BRAT1: variants seen among roughly 807,000 people sequenced by gnomAD.
BRAT1 encodes BRCA1 associated ATM activator 1.
A neutral mutation model predicts 70.6 loss-of-function variants in BRAT1; 74 were observed. The observed-to-expected ratio is 1.05, with a 90% CI of 0.87 to 1.27. The LOEUF is 1.27. BRAT1 is among the 50% of genes most tolerant of loss of function. The pLI is 0.00. For synonymous variants in BRAT1, 615 were observed against 517.1 expected (o/e 1.19, Z -2.57); for missense variants, 1,203 against 1,098.2 (o/e 1.10, Z -1.35).
chr7:2,538,295 G>A lies in BRAT1; in HGVS notation c.2240C>T (p.Ser747Phe), dbSNP rs923807425. Residue 747 changes from serine to phenylalanine, a missense_variant, in exon 14 of 14, where the codon TCC becomes TTC. Coordinates refer to ENST00000340611, the MANE Select transcript of BRAT1 (RefSeq NM_152743.4). ...REARGSPNTA[S>F]AEATLPRWRA... ...CCACCTCGGCAGGGTGGCCTCTGCG[G>A]AGGCAGTGTTGGGGCTGCCCCTGGC... 11 of 1,612,674 alleles carry A rather than the reference G, an allele frequency of 6.8e-6. No individual in the cohort carries two copies. Among genetic ancestry groups the A allele is most frequent in the African/African-American group, 1.3e-5 (1 of 75,058 alleles).
intron 2 of BRAT1, among the ~76,000 whole-genome samples, chr7:2,548,041 G>A (rs942202883): frequency 4.0e-5 from 6 of 148,388 alleles, no homozygotes; most frequent in African/African-American, 1.3e-4. Flanking sequence ...CCAAGACCAC[G>A]TCATTGCACA....
Position 2,542,282 on chromosome 7 carries a change from C to T in BRAT1, c.924-71G>A, listed in dbSNP as rs1409576966. 5.2e-6 allele frequency: 7 copies of T among 1,338,800 alleles called. No individual in the cohort carries two copies. In the African/African-American group the frequency reaches 1.0e-4, roughly 19 times the overall value. The allele number at this position is 1,338,800 out of a possible 1,614,324, so 82.9% of individuals were successfully genotyped here. A position where few individuals can be genotyped will look rare whatever the true frequency, so the allele number is the denominator to read the frequency against. On this transcript the variant is annotated intron_variant, in intron 6 of 13. Transcript: ENST00000340611. ...AAGTTGGCTGTGCTCCTAATGTCCC[C>T]AGCAAGCCTGGGGCAAATCAGCCAG...
rs762632677 is a variant in BRAT1, at chr7:2,541,766, G to A, written c.1086C>T (p.Ala362=). 3.5e-5 allele frequency: 56 copies of A among 1,612,056 alleles called. No individual in the cohort carries two copies. Among genetic ancestry groups the A allele is most frequent in the South Asian group, 4.4e-5 (4 of 90,972 alleles). The change falls in exon 8 of 14, where the codon GCC becomes GCT. Residue 362 remains alanine (A), a synonymous_variant. Transcript: ENST00000340611. ...DTLLASKSSC[A]GLLCRTLAHL... is the part of the protein sequence containing the mutation. ...GAGCCAGGGTGCGGCACAGGAGGCC[G>A]GCGCAGGACGACTTGGAGGCCAGGA...
intron 9 of BRAT1, 75 bp downstream of exon 9, chr7:2,541,223 C>T (rs1328848151): frequency 5.4e-5 from 81 of 1,495,538 alleles, no homozygotes; most frequent in East Asian, 1.2e-4. Flanking sequence ...CAGCAGTTCC[C>T]GGGTGCCTCC....
At position 2,543,659 on chromosome 7, in the gene BRAT1, G is replaced by A. The variant is rs1453008908; in HGVS notation, c.734C>T (p.Ala245Val). ...GATGGGGTCTCTCTCCAGCAGACAGGCCACGCGGGGACTCAGCCGCACCCA... is the reference window on the plus strand; with the variant it reads ...GATGGGGTCTCTCTCCAGCAGACAGACCACGCGGGGACTCAGCCGCACCCA... ...ALWVRLSPRVACLLERDPIPA... is the reference protein window; with the variant it reads ...ALWVRLSPRVVCLLERDPIPA... The change falls in exon 5 of 14, where the codon GCC becomes GTC. Residue 245 changes from alanine to valine, a missense_variant. Physicochemically the swap from Ala to Val is moderately conservative, Grantham distance 64. Transcript: ENST00000340611. The surrounding 1 kb of genome is among the most constrained non-coding windows in gnomAD (Gnocchi z 5.5). The A allele has an allele frequency of 4.5e-6, 7 of 1,555,936 alleles. No individual in the cohort carries two copies. The highest frequency in any genetic ancestry group is 6.1e-6 in the Non-Finnish European group (7 of 1,145,548).
rs1217405923 is a variant in BRAT1 at position 2,542,707 on chromosome 7, G to A, written c.924-496C>T. ...AGCTGGACCCTCATGGTACCCCTGG[G>A]CCCTGTGGGCAGCAGGTCCTGAGGT... On this transcript the variant is annotated intron_variant, in intron 6 of 13. Coordinates refer to ENST00000340611, the MANE Select transcript of BRAT1 (RefSeq NM_152743.4). 1.1e-4 allele frequency: 20 copies of A among 178,630 alleles called. No individual in the cohort carries two copies. In the East Asian group the frequency reaches 3.3e-3, roughly 29 times the overall value. 11.1% of individuals were successfully genotyped at this position (178,630 alleles called of 1,614,324 possible).
In BRAT1 at chr7:2,539,268, C is replaced by T. The variant is rs774981842; in HGVS notation, c.1681G>A (p.Val561Ile). ...LQLLQDPESY[V>I]RASAVTAMGQ... ...ATGGCGGTCACTGCACTCGCTCGGA[C>T]ATAACTCTCAGGGTCCTGGAGGAGC... is the stretch of plus-strand genomic sequence containing the variant. Residue 561 changes from valine (V) to isoleucine (I), a missense_variant, in exon 13 of 14, where the codon GTC (valine) becomes ATC (isoleucine). By Grantham distance (29) the Val-to-Ile change is conservative. Transcript: ENST00000340611. The T allele has an allele frequency of 3.1e-6, 5 of 1,611,862 alleles. No individual in the cohort carries two copies. Among genetic ancestry groups the T allele is most frequent in the Non-Finnish European group, 4.2e-6 (5 of 1,179,978 alleles).
Position 2,542,187 on chromosome 7 carries a change from G to A in BRAT1, c.948C>T (p.Ala316=), listed in dbSNP as rs753163636. The change falls in exon 7 of 14, where the codon GCC becomes GCT. Residue 316 remains alanine (A), a synonymous_variant. Transcript: ENST00000340611. ...CCAGGGGCTGGAGAAGGACCTGGAA[G>A]GCCTGGGTCCTCAGTGCCTGTGGAC... is the stretch of plus-strand genomic sequence containing the variant. ...EHCPQALRTQ[A]FQVLLQPLAC... is the part of the protein sequence containing the mutation. The A allele has an allele frequency of 1.1e-5, 17 of 1,566,422 alleles. No individual in the cohort carries two copies. In the East Asian group the frequency reaches 1.4e-4, roughly 13 times the overall value.
chr7:2,544,200 GTTTTTT>G lies in BRAT1; in HGVS notation c.431-244_431-239del, dbSNP rs1172630697. On this transcript the variant is annotated intron_variant, in intron 4 of 13. Transcript: ENST00000340611. Reference sequence around the variant, plus strand: ...GCTTCCCAATTCGTTCCTTCTTGTTGTTTTTTTTTTTTTTTTTTTTGAGACAGAGTC... The same window carrying G: ...GCTTCCCAATTCGTTCCTTCTTGTTGTTTTTTTTTTTTTTGAGACAGAGTC... The G allele has an allele frequency of 1.1e-3, 117 of 108,682 alleles. 1 individual carries two copies. Among genetic ancestry groups the G allele is most frequent in the African/African-American group, 3.5e-3 (79 of 22,772 alleles). 6.7% of individuals were successfully genotyped at this position (108,682 alleles called of 1,614,324 possible). A position where few individuals can be genotyped will look rare whatever the true frequency, so the allele number is the denominator to read the frequency against.
Position 2,543,046 on chromosome 7 carries a change from CCG to C in BRAT1, c.923+156_923+157del. 1.2e-6 allele frequency: 1 copy of C among 836,886 alleles called. No homozygotes were observed. The highest frequency in any genetic ancestry group is 1.8e-6 in the Non-Finnish European group (1 of 558,084). 51.8% of individuals were successfully genotyped at this position (836,886 alleles called of 1,614,324 possible). A position where few individuals can be genotyped will look rare whatever the true frequency, so the allele number is the denominator to read the frequency against. On this transcript the variant is annotated intron_variant, in intron 6 of 13. Coordinates refer to ENST00000340611, the MANE Select transcript of BRAT1 (RefSeq NM_152743.4). The surrounding 1 kb of genome is among the most constrained non-coding windows in gnomAD (Gnocchi z 5.5). ...GTTGCTAAAGAACCTTCAGAAGCTG[CCG>C]CGCGCAACCCACGCACCACCCAGTC...
Position 2,541,813 on chromosome 7 carries a change from C to T in BRAT1, c.1039G>A (p.Asp347Asn), listed in dbSNP as rs144499760. Residue 347 changes from aspartate (D) to asparagine (N), a missense_variant, in exon 8 of 14, where the codon GAT becomes AAT. Physicochemically the swap from Asp to Asn is conservative, Grantham distance 23. Transcript: ENST00000340611. Reference sequence around the variant, plus strand: ...AGGAGTGTGTCCACCGTCGTGGCATCGTCTGCCGTCCCGTCCAGCAAGCCT... The same window carrying T: ...AGGAGTGTGTCCACCGTCGTGGCATTGTCTGCCGTCCCGTCCAGCAAGCCT... Reference protein sequence around the residue: ...PPGLLDGTADDATTVDTLLAS... With the variant: ...PPGLLDGTADNATTVDTLLAS... The T allele has an allele frequency of 8.1e-5, 130 of 1,612,828 alleles. No homozygotes were observed. The highest frequency in any genetic ancestry group is 1.7e-4 in the Middle Eastern group (1 of 6,052).
At chr7:2,542,293 G>A in intron 6 of BRAT1, 82 bp from the exon 7 acceptor site, 2 of 1,209,864 alleles carry the variant, frequency 1.7e-6, no homozygotes, top group East Asian at 2.5e-5. Context: ...AGCAAGCCTG[G>A]GGCAAATCAG....
chr7:2,538,526 C>T lies in BRAT1; in HGVS notation c.2009G>A (p.Arg670His), dbSNP rs147119058. The T allele has an allele frequency of 9.4e-5, 151 of 1,606,358 alleles. No homozygotes were observed. The highest frequency in any genetic ancestry group is 3.1e-4 in the South Asian group (28 of 90,962). ...VFLGQTLGPP[R>H]THCPYAVALP... Reference sequence around the variant, plus strand: ...GGCCACGGCATAGGGGCAGTGGGTACGCGGCGGCCCCAAAGTCTGGCCCAG... The same window carrying T: ...GGCCACGGCATAGGGGCAGTGGGTATGCGGCGGCCCCAAAGTCTGGCCCAG... Residue 670 changes from arginine to histidine, a missense_variant, in exon 14 of 14, where the codon CGT (arginine) becomes CAT (histidine). Physicochemically the swap from Arg to His is conservative, Grantham distance 29. Coordinates refer to ENST00000340611, the MANE Select transcript of BRAT1 (RefSeq NM_152743.4).
chr7:2,539,139 C>T (rs371348358), intron 13 of BRAT1, 40 bp downstream of exon 13: 273 of 1,564,122 alleles, frequency 1.7e-4, no homozygotes, highest in Non-Finnish European at 2.1e-4. Flanking sequence ...ACACGATGGC[C>T]AGGCGGGAGT....
rs369792998 is a variant in BRAT1 at position 2,543,769 on chromosome 7, G to T, written c.624C>A (p.Ser208=). The T allele has an allele frequency of 2.1e-5, 33 of 1,608,298 alleles. No homozygotes were observed. The highest frequency in any genetic ancestry group is 2.8e-5 in the Non-Finnish European group (33 of 1,176,156). ...IMDHVEESLC[S]AATPKVTQAL... ...CCTGAGTGACCTTGGGGGTGGCCGC[G>T]GAGCACAAGGACTCTTCAACGTGAT... The change falls in exon 5 of 14, where the codon TCC becomes TCA. Residue 208 remains serine, a synonymous_variant. Coordinates refer to ENST00000340611, the MANE Select transcript of BRAT1 (RefSeq NM_152743.4). This position sits in a 1 kb window ranked among gnomAD's most constrained non-coding sequence, Gnocchi z 5.5.
rs371014140 is a variant in BRAT1, at chr7:2,543,198, C to G, written c.923+6G>C. On this transcript the variant is annotated splice_donor_region_variant and intron_variant, in intron 6 of 13. Coordinates refer to ENST00000340611, the MANE Select transcript of BRAT1 (RefSeq NM_152743.4). The surrounding 1 kb of genome is among the most constrained non-coding windows in gnomAD (Gnocchi z 5.5). ...GCCTCGGAATGAAATGCACCCCAGA[C>G]CATACCAGTGCTCGAGCTTCAGGAT... The G allele has an allele frequency of 1.9e-6, 3 of 1,600,664 alleles. No individual in the cohort carries two copies. The highest frequency in any genetic ancestry group is 2.6e-6 in the Non-Finnish European group (3 of 1,173,942).
chr7:2,546,652 T>C (rs1779628174), intron 3 of BRAT1, among the ~76,000 whole-genome samples: 4 of 150,858 alleles, frequency 2.7e-5, no homozygotes, highest in African/African-American at 9.8e-5. Flanking sequence ...GGAGAATCGC[T>C]TGAACCTGGG....
intron 4 of BRAT1, among the ~76,000 whole-genome samples, chr7:2,544,544 A>G (rs989814894): frequency 6.6e-6 from 1 of 151,962 alleles, no homozygotes; most frequent in African/African-American, 2.4e-5. Flanking sequence ...TCTGTTGCCT[A>G]AGTTGGAGTG....
chr7:2,538,745 A>T lies in BRAT1; in HGVS notation c.1790T>A (p.Leu597Gln). 6.3e-7 allele frequency: 1 copy of T among 1,598,350 alleles called. No homozygotes were observed. The highest frequency in any genetic ancestry group is 1.1e-5 in the South Asian group (1 of 91,088). ...CTCCGAGTCTACGGAGAGGATGTGC[A>T]GGAGCTCCAGGAACAGGCTCTGGGG... Reference protein sequence around the residue: ...EARQSLFLELLHILSVDSEGF... With the variant: ...EARQSLFLELQHILSVDSEGF... The change falls in exon 14 of 14, where the codon CTG (leucine) becomes CAG (glutamine). Residue 597 changes from leucine to glutamine, a missense_variant. Leu to Gln is a moderately radical substitution (Grantham distance 113, BLOSUM62 -2). Coordinates refer to ENST00000340611, the MANE Select transcript of BRAT1 (RefSeq NM_152743.4).
Sources: gnomAD v4.1 joint callset for allele counts (sites outside exome capture counted in the v4.1 genomes callset) on GRCh38, gnomAD v4.1.1 for gene constraint, Gnocchi (gnomAD v3.1) non-coding constraint, MANE v1.5 for transcripts, NCBI Gene and HGNC (gene_info 2026-07-23, HGNC 2026-07-21) for gene names.